Variants in VCPIP1 observed in about 807,000 individuals in gnomAD.
VCPIP1 encodes the protein deubiquitinating protein VCPIP1.
A neutral mutation model predicts 85.0 loss-of-function variants in VCPIP1; 8 were observed. The observed-to-expected ratio is 0.09, with a 90% confidence interval of 0.06 to 0.17. VCPIP1 has a LOEUF of 0.17. VCPIP1 is among the 10% of genes least tolerant of loss of function. The probability of loss-of-function intolerance (pLI) is 1.00; values close to 1 mark genes in which losing one functional copy is unlikely to be tolerated. For synonymous variants in VCPIP1, 543 were observed against 544.5 expected, an observed-to-expected ratio of 1.00 and a Z score of 0.04; for missense variants, 1,070 against 1,486.3, an observed-to-expected ratio of 0.72 and a Z score of 4.61.
chr8:66,666,917 T>TGGC lies in VCPIP1; in HGVS notation c.39_41dup (p.Pro18dup), dbSNP rs1310661463. 1.9e-6 allele frequency: 3 copies of TGGC among 1,588,350 alleles called. No individual in the cohort carries two copies. The highest frequency in any genetic ancestry group is 1.1e-5 in the South Asian group (1 of 89,192). On this transcript the variant is annotated inframe_insertion, in exon 1 of 3. Coordinates refer to ENST00000310421, the MANE Select transcript of VCPIP1 (RefSeq NM_025054.5). This position sits in a 1 kb window ranked among gnomAD's most constrained non-coding sequence, Gnocchi z 6.3. ...TCTGTGGAGCCTCAGGGGGAGGAGG[T>TGGC]GGCGGCGGCAACGGAGGCGGCGGCG...
rs999408777 is a variant in VCPIP1, at chr8:66,634,049, G to A, written c.*452C>T. On this transcript the variant is annotated 3_prime_UTR_variant, in exon 3 of 3. Transcript: ENST00000310421. The stretch of plus-strand genomic sequence containing the variant: ...TGTATGAATTTTAAGATACAATTTA[G>A]TTCAGATAAAATTCAAGTTTACATA... The A allele has an allele frequency of 6.5e-6, 1 of 153,392 alleles. No homozygotes were observed. Among genetic ancestry groups the A allele is most frequent in the Non-Finnish European group, 1.5e-5 (1 of 68,670 alleles). The allele number at this position is 153,392 out of a possible 1,614,324, so 9.5% of individuals were successfully genotyped here.
chr8:66,651,489 A>C lies in VCPIP1; in HGVS notation c.2766T>G (p.Gly922=). The C allele has an allele frequency of 6.2e-7, 1 of 1,613,492 alleles. No individual in the cohort carries two copies. The highest frequency in any genetic ancestry group is 8.5e-7 in the Non-Finnish European group (1 of 1,179,842). The change falls in exon 2 of 3, where the codon GGT becomes GGG. Residue 922 remains glycine, a synonymous_variant. Transcript: ENST00000310421. ...TTTTCTTCATAATACTGTAGAATAC[A>C]CCACCCTGCTGAAACATGTGAGGAA... ...KGLPHMFQQG[G]VFYSIMKKTM... is the part of the protein sequence containing the mutation.
intron 2 of VCPIP1, among the ~76,000 whole-genome samples, chr8:66,640,181 T>C (rs1301695554): frequency 6.6e-6 from 1 of 152,198 alleles, no homozygotes; most frequent in Non-Finnish European, 1.5e-5. Flanking sequence ...TGGAAGGTAC[T>C]TTTCTGAGGA....
At chr8:66,651,367 A>C in intron 2 of VCPIP1, 91 bp downstream of exon 2, 2 of 980,944 alleles carry the variant, frequency 2.0e-6, no homozygotes, top group Non-Finnish European at 2.9e-6. Context: ...TAACTTTGAA[A>C]ATATTTTAGT....
chr8:66,650,834 T>C (rs2130166961), intron 2 of VCPIP1, among the ~76,000 whole-genome samples: 1 of 113,094 alleles, frequency 8.8e-6, no homozygotes, highest in Non-Finnish European at 1.7e-5. Flanking sequence ...CACTCCAGTC[T>C]GGGGGACAAG....
At chr8:66,636,236 CAAAAAAAAAA>C (rs1180259925) in intron 2 of VCPIP1, among the ~76,000 whole-genome samples, 2 of 41,516 alleles carry the variant, frequency 4.8e-5, no homozygotes, top group Non-Finnish European at 5.0e-5. Flanking sequence ...GACTCCATCT[CAAAAAAAAAA>C]AAAAAAAAAA....
chr8:66,641,491 C>G (rs1181169027), intron 2 of VCPIP1, among the ~76,000 whole-genome samples: 1 of 152,106 alleles, frequency 6.6e-6, no homozygotes, highest in Non-Finnish European at 1.5e-5. Context: ...CCTCCCAGTG[C>G]TGGGATTACA....
intron 2 of VCPIP1, among the ~76,000 whole-genome samples, chr8:66,650,771 G>A (rs1021016754): frequency 2.2e-5 from 3 of 139,016 alleles, no homozygotes; most frequent in African/African-American, 8.0e-5. Flanking sequence ...CGGGCGTGGT[G>A]AATTGCTTGA....
chr8:66,646,891 G>A (rs935892031), intron 2 of VCPIP1, among the ~76,000 whole-genome samples: 2 of 151,952 alleles, frequency 1.3e-5, no homozygotes, highest in South Asian at 2.1e-4. Context: ...CGGGTGTGGT[G>A]GTGTGCACCT....
chr8:66,653,996 C>A (rs1018412744), intron 1 of VCPIP1, among the ~76,000 whole-genome samples: 27 of 152,150 alleles, frequency 1.8e-4, no homozygotes, highest in African/African-American at 5.8e-4. Flanking sequence ...TATTATCTAC[C>A]AAGCTCTGAG....
rs768098094 is a variant in VCPIP1, at chr8:66,664,786, A to C, written c.2173T>G (p.Ser725Ala). Residue 725 changes from serine (S) to alanine (A), a missense_variant, in exon 1 of 3, where the codon TCT becomes GCT. Ser to Ala is a moderately conservative substitution (Grantham distance 99, BLOSUM62 1). Coordinates refer to ENST00000310421, the MANE Select transcript of VCPIP1 (RefSeq NM_025054.5). Reference protein sequence around the residue: ...TIQQNITEQASVMQKRKTEKL... With the variant: ...TIQQNITEQAAVMQKRKTEKL... ...TCTGTTTTCCGTTTCTGCATTACAGAAGCCTGTTCCGTAATATTCTGTTGA... is the reference window on the plus strand; with the variant it reads ...TCTGTTTTCCGTTTCTGCATTACAGCAGCCTGTTCCGTAATATTCTGTTGA... The C allele has an allele frequency of 6.2e-7, 1 of 1,612,022 alleles. No individual in the cohort carries two copies.
In VCPIP1 at chr8:66,629,718, C is replaced by T. The variant is rs1014811294; in HGVS notation, c.*4783G>A. The T allele has an allele frequency of 2.0e-5, 3 of 152,528 alleles. No individual in the cohort carries two copies. The highest frequency in any genetic ancestry group is 4.4e-5 in the Non-Finnish European group (3 of 68,368). The allele number at this position is 152,528 out of a possible 1,614,324, so 9.4% of individuals were successfully genotyped here. ...CAAAAATTAGCCAGGTGTGGTGGCACATGCCTGTAGTCCCAGCTATTCAGG... is the reference window on the plus strand; with the variant it reads ...CAAAAATTAGCCAGGTGTGGTGGCATATGCCTGTAGTCCCAGCTATTCAGG... On this transcript the variant is annotated 3_prime_UTR_variant, in exon 3 of 3. Transcript: ENST00000310421.
intron 1 of VCPIP1, among the ~76,000 whole-genome samples, chr8:66,663,018 T>C (rs749775383): frequency 1.3e-5 from 2 of 150,298 alleles, no homozygotes; most frequent in Admixed American, 6.7e-5. Flanking sequence ...GGCAGGAGAA[T>C]TGCTTGAACC....
Position 66,665,606 on chromosome 8 carries a change from C to G in VCPIP1, c.1353G>C (p.Glu451Asp). ...RRTGVIGVQPEEVTAAAKKAV... is the reference protein window; with the variant it reads ...RRTGVIGVQPDEVTAAAKKAV... ...CTTTTTTAGCAGCTGCTGTGACTTC[C>G]TCAGGCTGAACTCCTATCACTCCAG... The change falls in exon 1 of 3, where the codon GAG becomes GAC. Residue 451 changes from glutamate to aspartate, a missense_variant. Transcript: ENST00000310421. The surrounding 1 kb of genome is among the most constrained non-coding windows in gnomAD (Gnocchi z 4.3). 6.2e-7 allele frequency: 1 copy of G among 1,614,204 alleles called. No individual in the cohort carries two copies. Among genetic ancestry groups the G allele is most frequent in the Non-Finnish European group, 8.5e-7 (1 of 1,180,032 alleles).
Position 66,664,276 on chromosome 8 carries a change from A to C in VCPIP1, c.2683T>G (p.Ser895Ala), listed in dbSNP as rs777444355. The change falls in exon 1 of 3, where the codon TCC (serine) becomes GCC (alanine). Residue 895 changes from serine to alanine, a missense_variant. Transcript: ENST00000310421. ...LQEQAEKEMYSLCLLATLMGE... is the reference protein window; with the variant it reads ...LQEQAEKEMYALCLLATLMGE... ...ATTAATGTTGCTAAAAGACACAAGG[A>C]GTACATTTCTTTTTCAGCTTGCTCC... 2 of 1,591,174 alleles carry C rather than the reference A, an allele frequency of 1.3e-6. No individual in the cohort carries two copies. Among genetic ancestry groups the C allele is most frequent in the Non-Finnish European group, 1.7e-6 (2 of 1,165,802 alleles).
chr8:66,639,692 T>C (rs910916707), intron 2 of VCPIP1, among the ~76,000 whole-genome samples: 11 of 152,188 alleles, frequency 7.2e-5, no homozygotes, highest in African/African-American at 2.4e-4. Flanking sequence ...TATAGTTTAG[T>C]TATAATGGGC....
chr8:66,646,545 C>T lies in VCPIP1; in HGVS notation c.2797+4913G>A, dbSNP rs1448144576. ...GCGCGGTGGTTCACGCCTGTAATCCCAATACTTTGGGAGGCTGAGGAAGGC... is the reference window on the plus strand; with the variant it reads ...GCGCGGTGGTTCACGCCTGTAATCCTAATACTTTGGGAGGCTGAGGAAGGC... On this transcript the variant is annotated intron_variant, in intron 2 of 2. Coordinates refer to ENST00000310421, the MANE Select transcript of VCPIP1 (RefSeq NM_025054.5). Among the ~76,000 whole-genome samples, 2 of 151,894 alleles carry T rather than the reference C, an allele frequency of 1.3e-5. 1 individual carries two copies. The highest frequency in any genetic ancestry group is 2.9e-5 in the Non-Finnish European group (2 of 67,986).
intron 2 of VCPIP1, among the ~76,000 whole-genome samples, chr8:66,640,091 A>G (rs1321935427): frequency 1.3e-5 from 2 of 152,194 alleles, no homozygotes; most frequent in East Asian, 1.9e-4. Flanking sequence ...CTTAAAAATA[A>G]TAGTAATAAT....
At position 66,634,438 on chromosome 8, in the gene VCPIP1, G is replaced by C; in HGVS notation, c.*63C>G. 1 of 1,506,610 alleles carries C rather than the reference G, an allele frequency of 6.6e-7. No individual in the cohort carries two copies. Among genetic ancestry groups the C allele is most frequent in the African/African-American group, 1.4e-5 (1 of 71,532 alleles). The allele number at this position is 1,506,610 out of a possible 1,614,324, so 93.3% of individuals were successfully genotyped here. On this transcript the variant is annotated 3_prime_UTR_variant, in exon 3 of 3. Coordinates refer to ENST00000310421, the MANE Select transcript of VCPIP1 (RefSeq NM_025054.5). ...TTTTAATGACTAATCAAGTTACGTG[G>C]CCCAGCCAACAAATATTACATATTC... is the stretch of plus-strand genomic sequence containing the variant.
Sources: gnomAD v4.1 joint callset for allele counts (sites outside exome capture counted in the v4.1 genomes callset) on GRCh38, gnomAD v4.1.1 for gene constraint, Gnocchi (gnomAD v3.1) non-coding constraint, MANE v1.5 for transcripts, NCBI Gene and HGNC (gene_info 2026-07-23, HGNC 2026-07-21) for gene names.